Variants in PPP1R13L observed in about 807,000 individuals in gnomAD.
PPP1R13L encodes relA-associated inhibitor.
Under a neutral mutation model 80.9 loss-of-function variants are expected in PPP1R13L, and 50 were observed. That is an observed-to-expected ratio of 0.62 (90% CI 0.49 to 0.78). The LOEUF is 0.78. Ranked by LOEUF, PPP1R13L falls within the 30% of genes least tolerant of loss-of-function variation. The probability of loss-of-function intolerance (pLI) is 0.00; values close to 1 mark genes in which losing one functional copy is unlikely to be tolerated. For synonymous variants in PPP1R13L, 602 were observed against 534.3 expected, an observed-to-expected ratio of 1.13 and a Z score of -1.75; for missense variants, 1,200 against 1,205.9, an observed-to-expected ratio of 1.00 and a Z score of 0.07.
At chr19:45,404,608 C>T (rs2123409303) in intron 1 of PPP1R13L, among the ~76,000 whole-genome samples, 1 of 152,306 alleles carries the variant, frequency 6.6e-6, no homozygotes, top group South Asian at 2.1e-4. Flanking sequence ...GAGACAGCAG[C>T]TTGAGGCTGG....
Position 45,382,692 on chromosome 19 carries a change from C to T in PPP1R13L, c.2283G>A (p.Gly761=), listed in dbSNP as rs761483348. The T allele has an allele frequency of 3.7e-6, 6 of 1,614,056 alleles. No homozygotes were observed. In the South Asian group the frequency reaches 6.6e-5, roughly 18 times the overall value. ...TGTAGTCCCAGAGAGCGTACACTGC[C>T]CCGCTGTTCATCAGCCCCATACTCT... ...VEQSMGLMNS[G]AVYALWDYSA... is the part of the protein sequence containing the mutation. The change falls in exon 12 of 13, where the codon GGG becomes GGA. Residue 761 remains glycine, a synonymous_variant. Transcript: ENST00000360957.
intron 7 of PPP1R13L, chr19:45,394,588 G>A (rs1302167153): frequency 4.0e-5 from 6 of 150,246 alleles, no homozygotes; most frequent in Admixed American, 3.3e-4. Flanking sequence ...GGCTCAAGCT[G>A]AGTAGCTAGG....
intron 8 of PPP1R13L, among the ~76,000 whole-genome samples, chr19:45,390,903 G>A (rs530364904): frequency 6.6e-6 from 1 of 152,250 alleles, no homozygotes; most frequent in South Asian, 2.1e-4. Context: ...TATTTTATAA[G>A]AGGAGAGAGC....
intron 12 of PPP1R13L, among the ~76,000 whole-genome samples, chr19:45,381,440 T>C (rs1272278602): frequency 6.6e-6 from 1 of 152,078 alleles, no homozygotes; most frequent in Non-Finnish European, 1.5e-5. Flanking sequence ...CCAGCCTTAA[T>C]CTACAATTCT....
chr19:45,384,713 G>A (rs927948263), intron 11 of PPP1R13L, among the ~76,000 whole-genome samples: 2 of 151,872 alleles, frequency 1.3e-5, no homozygotes, highest in South Asian at 2.1e-4. Flanking sequence ...AATGAGTCGG[G>A]CATGGTGGTG....
Position 45,382,612 on chromosome 19 carries a change from A to G in PPP1R13L, c.2363T>C (p.Leu788Pro). ...SFREGESVTVLRRDGPEETDW... is the reference protein window; with the variant it reads ...SFREGESVTVPRRDGPEETDW... The stretch of plus-strand genomic sequence containing the variant: ...GGTCTCCTCCGGCCCGTCCCTCCGC[A>G]GCACGGTGACCGACTCGCCCTCGCG... The change falls in exon 12 of 13, where the codon CTG becomes CCG. Residue 788 changes from leucine (L) to proline (P), a missense_variant. Coordinates refer to ENST00000360957, the MANE Select transcript of PPP1R13L (RefSeq NM_006663.4). 6.2e-7 allele frequency: 1 copy of G among 1,613,722 alleles called. No individual in the cohort carries two copies. The highest frequency in any genetic ancestry group is 8.5e-7 in the Non-Finnish European group (1 of 1,179,998).
At chr19:45,387,642 C>A (rs960620516) in intron 8 of PPP1R13L, among the ~76,000 whole-genome samples, 5 of 152,114 alleles carry the variant, frequency 3.3e-5, no homozygotes, top group African/African-American at 1.2e-4. Flanking sequence ...GCAAGCTCCG[C>A]CTCCCGGGTT....
At position 45,400,760 on chromosome 19, in the gene PPP1R13L, ATTTTTTTTTTTTTTT is replaced by A. The variant is rs887299061; in HGVS notation, c.-21-2436_-21-2422del. Among the ~76,000 whole-genome samples the A allele has an allele frequency of 8.9e-4, 23 of 25,970 alleles. 3 individuals are homozygous for A. The highest frequency in any genetic ancestry group is 5.5e-3 in the Admixed American group (11 of 1,992). The allele number at this position is 25,970 out of a possible 152,430, so 17.0% of individuals were successfully genotyped here. A position where few individuals can be genotyped will look rare whatever the true frequency, so the allele number is the denominator to read the frequency against. ...AGCCTCGCACCACCACACCCAGCTA[ATTTTTTTTTTTTTTT>A]TTTTTTTTTTTTTTTTTTTGAGACG... On this transcript the variant is annotated intron_variant, in intron 1 of 12. Coordinates refer to ENST00000360957, the MANE Select transcript of PPP1R13L (RefSeq NM_006663.4).
Position 45,395,656 on chromosome 19 carries a change from C to A in PPP1R13L, c.1134G>T (p.Leu378=). Reference sequence around the variant, plus strand: ...CCCCGTGCTCCCAGAAGGCGTTCTGCAGCTTGAAGATCATGCTGAGGGGGA... The same window carrying A: ...CCCCGTGCTCCCAGAAGGCGTTCTGAAGCTTGAAGATCATGCTGAGGGGGA... ...RPIPLSMIFK[L]QNAFWEHGAS... is the part of the protein sequence containing the mutation. The change falls in exon 7 of 13, where the codon CTG becomes CTT. Residue 378 remains leucine (L), a synonymous_variant. Coordinates refer to ENST00000360957, the MANE Select transcript of PPP1R13L (RefSeq NM_006663.4). 1 of 1,460,222 alleles carries A rather than the reference C, an allele frequency of 6.8e-7. No individual in the cohort carries two copies. 90.5% of individuals were successfully genotyped at this position (1,460,222 alleles called of 1,614,324 possible).
intron 1 of PPP1R13L, among the ~76,000 whole-genome samples, chr19:45,404,476 G>A (rs921171160): frequency 6.6e-6 from 1 of 152,176 alleles, no homozygotes; most frequent in Admixed American, 6.5e-5. Flanking sequence ...GAAAAGTCGG[G>A]GGAGAGCCGG....
At chr19:45,394,099 C>T (rs555359407) in intron 7 of PPP1R13L, among the ~76,000 whole-genome samples, 1 of 152,284 alleles carries the variant, frequency 6.6e-6, no homozygotes, top group Admixed American at 6.5e-5. Context: ...ACTGATCTCA[C>T]ACCTCAAAAT....
intron 12 of PPP1R13L, 137 bp downstream of exon 12, chr19:45,382,390 G>A: frequency 9.9e-7 from 1 of 1,013,676 alleles, no homozygotes; most frequent in Non-Finnish European, 1.5e-6. Context: ...CTCCCCATGA[G>A]CAATAATGAG....
chr19:45,390,194 G>A (rs1972944109), intron 8 of PPP1R13L, among the ~76,000 whole-genome samples: 1 of 152,052 alleles, frequency 6.6e-6, no homozygotes, highest in African/African-American at 2.4e-5. Context: ...GGGTTTAAGC[G>A]ATTCTCTTGC....
rs545738253 is a variant in PPP1R13L at position 45,396,015 on chromosome 19, A to C, written c.904-129T>G. 7.6e-4 allele frequency: 957 copies of C among 1,260,368 alleles called. 1 individual carries two copies. The highest frequency in any genetic ancestry group is 2.2e-3 in the South Asian group (155 of 70,902). 78.1% of individuals were successfully genotyped at this position (1,260,368 alleles called of 1,614,324 possible). On this transcript the variant is annotated intron_variant, in intron 6 of 12. Transcript: ENST00000360957. This position sits in a 1 kb window ranked among gnomAD's most constrained non-coding sequence, Gnocchi z 5.3. Reference sequence around the variant, plus strand: ...AGTGAGGGAGAAGAAAGGGTGAGGAAGGAGCAGAAACCCAGCACAGTGAAG... The same window carrying C: ...AGTGAGGGAGAAGAAAGGGTGAGGACGGAGCAGAAACCCAGCACAGTGAAG...
In PPP1R13L at chr19:45,385,894, C is replaced by T; in HGVS notation, c.2011G>A (p.Ala671Thr). Residue 671 changes from alanine (A) to threonine (T), a missense_variant, in exon 10 of 13, where the codon GCC becomes ACC. Physicochemically the swap from Ala to Thr is moderately conservative, Grantham distance 58. Transcript: ENST00000360957. ...ITALHNAICGANYSIVDFLIT... is the reference protein window; with the variant it reads ...ITALHNAICGTNYSIVDFLIT... ...AGGAAATCCACGATAGAGTAGTTGGCGCCGCAGATGGCGTTGTGCAAGGCA... is the reference window on the plus strand; with the variant it reads ...AGGAAATCCACGATAGAGTAGTTGGTGCCGCAGATGGCGTTGTGCAAGGCA... The T allele has an allele frequency of 1.2e-6, 2 of 1,611,170 alleles. No individual in the cohort carries two copies. Among genetic ancestry groups the T allele is most frequent in the Non-Finnish European group, 1.7e-6 (2 of 1,178,808 alleles).
chr19:45,399,932 G>A (rs991670683), intron 1 of PPP1R13L, among the ~76,000 whole-genome samples: 25 of 151,574 alleles, frequency 1.6e-4, no homozygotes, highest in African/African-American at 5.1e-4. Flanking sequence ...TTGGGTGACA[G>A]AGCGAGGCTC....
At chr19:45,382,212 C>G (rs955821922) in intron 12 of PPP1R13L, among the ~76,000 whole-genome samples, 1 of 150,908 alleles carries the variant, frequency 6.6e-6, no homozygotes, top group Non-Finnish European at 1.5e-5. Flanking sequence ...CCAGCCTGGG[C>G]GACAGAGCGA....
chr19:45,383,263 G>C (rs930080517), intron 11 of PPP1R13L, among the ~76,000 whole-genome samples: 3 of 148,478 alleles, frequency 2.0e-5, no homozygotes, highest in Admixed American at 6.7e-5. Flanking sequence ...CAAAGTGCTG[G>C]GATTACAGGC....
At chr19:45,406,325 T>A, upstream of PPP1R13L, 3 of 1,140,602 alleles carry the variant, frequency 2.6e-6, no homozygotes, top group Non-Finnish European at 2.2e-6. This position sits in a 1 kb window ranked among gnomAD's most constrained non-coding sequence, Gnocchi z 4.2. Context: ...CAATCGACCG[T>A]CCTGTCTCTT....
Sources: gnomAD v4.1 joint callset for allele counts (sites outside exome capture counted in the v4.1 genomes callset) on GRCh38, gnomAD v4.1.1 for gene constraint, Gnocchi (gnomAD v3.1) non-coding constraint, MANE v1.5 for transcripts, NCBI Gene and HGNC (gene_info 2026-07-23, HGNC 2026-07-21) for gene names.